Variants in ACER3 observed in about 807,000 individuals in gnomAD.
ACER3 encodes alkCDase 3.
A neutral mutation model predicts 48.9 loss-of-function variants in ACER3; 16 were observed. The ratio of observed to expected loss-of-function variants is 0.33; its 90% CI spans 0.22 to 0.50. ACER3 has a LOEUF of 0.50. Among genes scored for constraint, ACER3 ranks in the 20% least tolerant of loss-of-function variants. ACER3 has a pLI of 0.98. For synonymous variants in ACER3, 109 were observed against 107.8 expected, an observed-to-expected ratio of 1.01 and a Z score of -0.07; for missense variants, 227 against 326.0, an observed-to-expected ratio of 0.70 and a Z score of 2.34.
At chr11:76,946,091 A>G (rs1158078288) in intron 2 of ACER3, among the ~76,000 whole-genome samples, 4 of 152,156 alleles carry the variant, frequency 2.6e-5, no homozygotes, top group Non-Finnish European at 5.9e-5. Flanking sequence ...AGCATGGGCA[A>G]GTGTGAGGAG....
intron 1 of ACER3, among the ~76,000 whole-genome samples, chr11:76,875,107 CTT>C (rs10676364): frequency 1.4e-4 from 11 of 78,160 alleles, no homozygotes; most frequent in Admixed American, 2.0e-4. Context: ...AAAAGCACTT[CTT>C]TTTTTTTTTT....
intron 1 of ACER3, among the ~76,000 whole-genome samples, chr11:76,879,282 A>G (rs1417268457): frequency 6.6e-6 from 1 of 152,140 alleles, no homozygotes; most frequent in Non-Finnish European, 1.5e-5. Context: ...TATCCATCTC[A>G]GATTTATTGT....
chr11:76,946,062 A>G (rs1947463753), intron 2 of ACER3, among the ~76,000 whole-genome samples: 1 of 152,176 alleles, frequency 6.6e-6, no homozygotes, highest in South Asian at 2.1e-4. Flanking sequence ...AGGGAGGGCA[A>G]GGCCCCTCTC....
At chr11:77,008,733 C>T (rs949599629) in intron 7 of ACER3, among the ~76,000 whole-genome samples, 6 of 152,144 alleles carry the variant, frequency 3.9e-5, no homozygotes, top group Non-Finnish European at 8.8e-5. Context: ...AACAAACATC[C>T]TTTAAATGCC....
intron 2 of ACER3, among the ~76,000 whole-genome samples, chr11:76,952,163 CACACAT>C (rs1947689199): frequency 6.6e-6 from 1 of 151,534 alleles, no homozygotes; most frequent in East Asian, 1.9e-4. Flanking sequence ...CACACACACA[CACACAT>C]ATAAATATGA....
At chr11:76,938,375 A>G (rs972866393) in intron 2 of ACER3, among the ~76,000 whole-genome samples, 5 of 152,100 alleles carry the variant, frequency 3.3e-5, no homozygotes, top group Non-Finnish European at 7.4e-5. Flanking sequence ...CTGGAATGCA[A>G]TGGTACTATC....
Position 77,020,470 on chromosome 11 carries a change from C to A in ACER3, c.*143C>A. ...ACTTTCTGACTAATGCTGCCACCCA[C>A]ACAGAGAATAAGGAGTAGGGCCTGC... On this transcript the variant is annotated 3_prime_UTR_variant, in exon 11 of 11. Transcript: ENST00000532485. 1.1e-6 allele frequency: 1 copy of A among 889,806 alleles called. No homozygotes were observed. Among genetic ancestry groups the A allele is most frequent in the Non-Finnish European group, 1.7e-6 (1 of 587,156 alleles). The allele number at this position is 889,806 out of a possible 1,614,324, so 55.1% of individuals were successfully genotyped here. A position where few individuals can be genotyped will look rare whatever the true frequency, so the allele number is the denominator to read the frequency against.
chr11:76,997,007 T>C (rs1448956165), intron 6 of ACER3, among the ~76,000 whole-genome samples: 2 of 152,232 alleles, frequency 1.3e-5, no homozygotes, highest in African/African-American at 4.8e-5. Context: ...ATTACAGGCG[T>C]GAGCCACCAC....
intron 3 of ACER3, among the ~76,000 whole-genome samples, chr11:76,967,822 C>G (rs920033457): frequency 1.3e-5 from 2 of 152,114 alleles, no homozygotes; most frequent in Non-Finnish European, 2.9e-5. Flanking sequence ...ATGACAAACC[C>G]ACAGCCAATA....
At chr11:76,983,476 C>T (rs989057702) in intron 4 of ACER3, among the ~76,000 whole-genome samples, 1 of 151,968 alleles carries the variant, frequency 6.6e-6, no homozygotes, top group Non-Finnish European at 1.5e-5. Context: ...CCACCATGCC[C>T]AGCTAATTTT....
chr11:76,943,966 A>G (rs1947414478), intron 2 of ACER3, among the ~76,000 whole-genome samples: 1 of 150,730 alleles, frequency 6.6e-6, no homozygotes, highest in Admixed American at 6.6e-5. Context: ...TGATATAAGT[A>G]TAGTTATTCC....
At chr11:76,952,668 CTTT>C (rs398016733) in intron 2 of ACER3, among the ~76,000 whole-genome samples, 1 of 132,988 alleles carries the variant, frequency 7.5e-6, no homozygotes. Flanking sequence ...CGTAAGATTT[CTTT>C]TTTTTTTTTT....
At chr11:76,957,024 G>A (rs1045043136) in intron 2 of ACER3, among the ~76,000 whole-genome samples, 1 of 152,122 alleles carries the variant, frequency 6.6e-6, no homozygotes, top group Admixed American at 6.5e-5. Flanking sequence ...TAAGTCCTAT[G>A]TATCCTTAAG....
chr11:76,976,302 T>C lies in ACER3; in HGVS notation c.281T>C (p.Leu94Pro). The C allele has an allele frequency of 1.2e-6, 2 of 1,606,172 alleles. No homozygotes were observed. The highest frequency in any genetic ancestry group is 1.7e-6 in the Non-Finnish European group (2 of 1,175,138). Residue 94 changes from leucine to proline, a missense_variant, in exon 4 of 11, where the codon CTC becomes CCC. Coordinates refer to ENST00000532485, the MANE Select transcript of ACER3 (RefSeq NM_018367.7). ...LKYEMQLLDE[L>P]PMIYSCCIFV... is the part of the protein sequence containing the mutation. The stretch of plus-strand genomic sequence containing the variant: ...TGTTTCTTACAGCTATTGGATGAAC[T>C]CCCAATGATATACAGCTGTTGCATA...
chr11:76,969,734 G>T (rs191860778), intron 3 of ACER3, among the ~76,000 whole-genome samples: 2,406 of 140,560 alleles, frequency 0.017, 58 homozygotes, highest in African/African-American at 0.057. Flanking sequence ...TCATAGGTGG[G>T]AATTGAACCA....
chr11:77,014,255 A>T (rs1555022810), intron 7 of ACER3, among the ~76,000 whole-genome samples: 1 of 152,184 alleles, frequency 6.6e-6, no homozygotes. Flanking sequence ...TTTTTTTAAC[A>T]TTTTGTGTGT....
rs1949553019 is a variant in ACER3 at position 77,026,631 on chromosome 11, C to G, written c.*6304C>G. On this transcript the variant is annotated 3_prime_UTR_variant, in exon 11 of 11. Transcript: ENST00000532485. Reference sequence around the variant, plus strand: ...CTAACTATTTTCAGGTAATCTCAGTCTGCTTATTCACTTTTTCCATTTGAT... The same window carrying G: ...CTAACTATTTTCAGGTAATCTCAGTGTGCTTATTCACTTTTTCCATTTGAT... 1 of 152,180 alleles carries G rather than the reference C, an allele frequency of 6.6e-6. No homozygotes were observed. The highest frequency in any genetic ancestry group is 1.5e-5 in the Non-Finnish European group (1 of 68,030). The allele number at this position is 152,180 out of a possible 1,614,324, so 9.4% of individuals were successfully genotyped here.
chr11:76,865,312 C>A (rs1356676023), intron 1 of ACER3, among the ~76,000 whole-genome samples: 4 of 151,644 alleles, frequency 2.6e-5, no homozygotes, highest in Non-Finnish European at 5.9e-5. Flanking sequence ...TTCATGAATT[C>A]TTTTCTAATT....
Position 77,002,345 on chromosome 11 carries a change from C to T in ACER3, c.497+3524C>T, listed in dbSNP as rs548861458. Among the ~76,000 whole-genome samples the T allele has an allele frequency of 2.7e-4, 41 of 152,202 alleles. No individual in the cohort carries two copies. In the South Asian group the frequency reaches 3.3e-3, roughly 12 times the overall value. ...TGTTGGATTTTGTCAAATGCTTTTTCAGTATTAACTGATTTTATCATACTG... is the reference window on the plus strand; with the variant it reads ...TGTTGGATTTTGTCAAATGCTTTTTTAGTATTAACTGATTTTATCATACTG... On this transcript the variant is annotated intron_variant, in intron 7 of 10. Coordinates refer to ENST00000532485, the MANE Select transcript of ACER3 (RefSeq NM_018367.7).
Sources: allele counts gnomAD v4.1 joint callset (sites outside exome capture counted in the v4.1 genomes callset), GRCh38; gene constraint gnomAD v4.1.1; transcripts MANE v1.5; gene names NCBI Gene and HGNC (gene_info 2026-07-23, HGNC 2026-07-21).